RABGAP1L: variants seen among roughly 807,000 people sequenced by gnomAD.
The protein encoded by RABGAP1L is RAB GTPase activating protein 1 like, also known as rab GTPase-activating protein 1-like.
Under a neutral mutation model 137.7 loss-of-function variants are expected in RABGAP1L, and 63 were observed. That is an observed-to-expected ratio of 0.46 (90% CI 0.37 to 0.56). The LOEUF (loss-of-function observed/expected upper bound fraction) is 0.56, where lower values mean the gene tolerates loss of function less well. Among genes scored for constraint, RABGAP1L ranks in the 20% least tolerant of loss-of-function variants. The pLI, the probability that RABGAP1L is intolerant of heterozygous loss-of-function variation, is 0.00. For missense variants in RABGAP1L, 1,095 were observed against 1,244.0 expected (o/e 0.88, Z 1.80); for synonymous variants, 431 against 433.7 (o/e 0.99, Z 0.08).
At chr1:174,612,988 T>G (rs192856350) in intron 13 of RABGAP1L, among the ~76,000 whole-genome samples, 155 of 151,900 alleles carry the variant, frequency 1.0e-3, no homozygotes, top group East Asian at 0.01. Flanking sequence ...TCAATTTTGT[T>G]GATCCTTTCA....
chr1:174,920,302 TGTC>T (rs1306299963), intron 19 of RABGAP1L, among the ~76,000 whole-genome samples: 6 of 152,200 alleles, frequency 3.9e-5, no homozygotes, highest in African/African-American at 1.4e-4. Context: ...GAGCAAGTCA[TGTC>T]TTACATGGAT....
At chr1:174,446,231 G>A (rs1238928738) in intron 13 of RABGAP1L, among the ~76,000 whole-genome samples, 1 of 152,224 alleles carries the variant, frequency 6.6e-6, no homozygotes, top group Non-Finnish European at 1.5e-5. Flanking sequence ...GCTGATAAGA[G>A]TGAATGTAGG....
intron 1 of RABGAP1L, among the ~76,000 whole-genome samples, chr1:174,162,793 T>G (rs1167982160): frequency 7.1e-6 from 1 of 141,772 alleles, no homozygotes; most frequent in East Asian, 2.0e-4. Flanking sequence ...TTTTTTTTTT[T>G]TTTTTTTTTT....
rs1020043822 is a variant in RABGAP1L at position 174,775,355 on chromosome 1, C to T, written c.2211+23001C>T. Among the ~76,000 whole-genome samples, 65 of 151,394 alleles carry T rather than the reference C, an allele frequency of 4.3e-4. 1 individual carries two copies. The highest frequency in any genetic ancestry group is 1.5e-3 in the African/African-American group (62 of 41,112). On this transcript the variant is annotated intron_variant, in intron 18 of 25. Transcript: ENST00000681986. ...TGAGACTGAGTTTCGTTCTTGTTGC[C>T]CAGGCTGGAGTGCAATGGTGTGATC...
intron 14 of RABGAP1L, among the ~76,000 whole-genome samples, chr1:174,678,850 G>A (rs1411528982): frequency 6.6e-6 from 1 of 152,200 alleles, no homozygotes; most frequent in Non-Finnish European, 1.5e-5. Flanking sequence ...AGCGGCAGTG[G>A]GCGCCACCTC....
At chr1:174,840,567 T>C (rs894236883) in intron 19 of RABGAP1L, among the ~76,000 whole-genome samples, 1 of 151,240 alleles carries the variant, frequency 6.6e-6, no homozygotes, top group Non-Finnish European at 1.5e-5. Flanking sequence ...ATCCCAGCAC[T>C]TTGGGAGGCT....
chr1:174,330,601 CAAACA>C (rs1331326373), intron 11 of RABGAP1L, among the ~76,000 whole-genome samples: 2 of 151,714 alleles, frequency 1.3e-5, no homozygotes, highest in Non-Finnish European at 2.9e-5. Context: ...AACAAACAAA[CAAACA>C]AAACACCTAC....
chr1:174,968,130 A>G (rs1192864919), intron 20 of RABGAP1L, among the ~76,000 whole-genome samples: 3 of 152,236 alleles, frequency 2.0e-5, no homozygotes, highest in Non-Finnish European at 2.9e-5. Flanking sequence ...CTCTTTCAAT[A>G]TAACAAACAC....
rs189526346 is a variant in RABGAP1L, at chr1:174,386,778, A to G, written c.1560-7217A>G. 2.0e-5 allele frequency among the ~76,000 whole-genome samples: 3 copies of G among 152,220 alleles called. No homozygotes were observed. In the East Asian group the frequency reaches 5.8e-4, roughly 29 times the overall value. On this transcript the variant is annotated intron_variant, in intron 12 of 25. Transcript: ENST00000681986. The stretch of plus-strand genomic sequence containing the variant: ...TGCCTTGGCCTCCCAAAGTGCTGGG[A>G]TTACAGGTGTGAGCCACCGCACCGG...
In RABGAP1L at chr1:174,995,085, C is replaced by T. The variant is rs1486652537; in HGVS notation, c.*5084C>T. 1 of 152,168 alleles carries T rather than the reference C, an allele frequency of 6.6e-6. No homozygotes were observed. The highest frequency in any genetic ancestry group is 1.5e-5 in the Non-Finnish European group (1 of 68,032). 9.4% of individuals were successfully genotyped at this position (152,168 alleles called of 1,614,324 possible). A position where few individuals can be genotyped will look rare whatever the true frequency, so the allele number is the denominator to read the frequency against. ...AAATGTAATGCTTGTCTAAAAAGTG[C>T]AATTTATTGTACATTGTCCCAACAA... On this transcript the variant is annotated 3_prime_UTR_variant, in exon 26 of 26. Coordinates refer to ENST00000681986, the MANE Select transcript of RABGAP1L (RefSeq NM_001366446.1).
chr1:174,527,684 T>C (rs148503577), intron 13 of RABGAP1L, among the ~76,000 whole-genome samples: 26 of 152,300 alleles, frequency 1.7e-4, no homozygotes, highest in Non-Finnish European at 2.5e-4. Flanking sequence ...ATCCAATGTT[T>C]CTTTACTGAT....
chr1:174,512,523 ACTTTAGCACAACAC>A (rs1662444838), intron 13 of RABGAP1L, among the ~76,000 whole-genome samples: 1 of 152,226 alleles, frequency 6.6e-6, no homozygotes, highest in Admixed American at 6.5e-5. Context: ...TACATGTTAT[ACTTTAGCACAACAC>A]CTTCTTCGAA....
intron 20 of RABGAP1L, chr1:174,957,960 G>A: frequency 1.3e-6 from 2 of 1,572,606 alleles, no homozygotes; most frequent in Non-Finnish European, 1.7e-6. Context: ...CTGAGAGAAA[G>A]AGAGGGGAAA....
intron 13 of RABGAP1L, among the ~76,000 whole-genome samples, chr1:174,630,404 C>T (rs1353635083): frequency 2.6e-5 from 2 of 77,360 alleles, no homozygotes; most frequent in Non-Finnish European, 4.5e-5. Context: ...ATGCTGGCCT[C>T]ATAAAATGAG....
intron 10 of RABGAP1L, among the ~76,000 whole-genome samples, chr1:174,284,558 C>T (rs1675886818): frequency 6.6e-6 from 1 of 152,026 alleles, no homozygotes; most frequent in Non-Finnish European, 1.5e-5. Flanking sequence ...TGTCAAGATA[C>T]TGATTTTGTT....
intron 13 of RABGAP1L, among the ~76,000 whole-genome samples, chr1:174,403,212 T>A (rs938880947): frequency 1.2e-4 from 14 of 117,338 alleles, no homozygotes; most frequent in Admixed American, 2.5e-4. Context: ...TATGAGAGTG[T>A]GTGTGTGTGT....
chr1:174,186,770 C>CAT (rs1417308271), intron 1 of RABGAP1L, among the ~76,000 whole-genome samples: 4 of 152,194 alleles, frequency 2.6e-5, no homozygotes, highest in Non-Finnish European at 5.9e-5. Context: ...ACATAACATA[C>CAT]ATACACTTTA....
At chr1:174,770,116 G>C (rs1335562553) in intron 18 of RABGAP1L, among the ~76,000 whole-genome samples, 1 of 152,162 alleles carries the variant, frequency 6.6e-6, no homozygotes, top group African/African-American at 2.4e-5. Flanking sequence ...CATTCCATTA[G>C]TTTTGTAACT....
chr1:174,708,402 A>G (rs950029315), intron 17 of RABGAP1L, among the ~76,000 whole-genome samples: 2 of 152,162 alleles, frequency 1.3e-5, no homozygotes, highest in Non-Finnish European at 2.9e-5. Context: ...AATGAGACCA[A>G]TGCAGAGGGT....
Sources: gnomAD v4.1 joint callset for allele counts (sites outside exome capture counted in the v4.1 genomes callset) on GRCh38, gnomAD v4.1.1 for gene constraint, MANE v1.5 for transcripts, NCBI Gene and HGNC (gene_info 2026-07-23, HGNC 2026-07-21) for gene names.